LYSMD2: variants seen among roughly 807,000 people sequenced by gnomAD.
LYSMD2 encodes LysM domain containing 2.
In LYSMD2, 6 loss-of-function variants were observed where a neutral mutation model predicts 17.7. The observed-to-expected ratio is 0.34, with a 90% confidence interval of 0.19 to 0.67. LYSMD2 has a LOEUF of 0.67. Among genes scored for constraint, LYSMD2 ranks in the 30% least tolerant of loss-of-function variants. The pLI is 0.69. For missense variants in LYSMD2, 237 were observed against 286.7 expected (o/e 0.83, Z 1.25); for synonymous variants, 102 against 129.8 (o/e 0.79, Z 1.45).
chr15:51,726,329 G>T lies in LYSMD2; in HGVS notation c.274-1208C>A, dbSNP rs540550344. Reference sequence around the variant, plus strand: ...GGTTAATAACTTGGACACTTTGCCCGTAGCAGGTTCAGGTATACCTATTGC... The same window carrying T: ...GGTTAATAACTTGGACACTTTGCCCTTAGCAGGTTCAGGTATACCTATTGC... On this transcript the variant is annotated intron_variant, in intron 1 of 2. Transcript: ENST00000267838. 7.2e-5 allele frequency among the ~76,000 whole-genome samples: 11 copies of T among 152,328 alleles called. No individual in the cohort carries two copies. In the East Asian group the frequency reaches 2.1e-3, roughly 29 times the overall value.
intron 1 of LYSMD2, among the ~76,000 whole-genome samples, chr15:51,749,604 C>T (rs2141605685): frequency 6.6e-6 from 1 of 152,332 alleles, no homozygotes; most frequent in East Asian, 1.9e-4. Context: ...AAATACTGTA[C>T]ACTACTGAGC....
Position 51,725,502 on chromosome 15 carries a change from T to C in LYSMD2, c.274-381A>G, listed in dbSNP as rs78180448. ...TTTTTTAAACTTACCATTGCTGCTG[T>C]TTTACTTATGAAGTGCTTCCCATGT... On this transcript the variant is annotated intron_variant, in intron 1 of 2. Coordinates refer to ENST00000267838, the MANE Select transcript of LYSMD2 (RefSeq NM_153374.3). 4.9e-3 allele frequency among the ~76,000 whole-genome samples: 751 copies of C among 152,262 alleles called. 26 individuals are homozygous for C. The East Asian group carries it at 0.081, about 16-fold the overall frequency.
chr15:51,732,205 C>G (rs1194924170), intron 1 of LYSMD2, among the ~76,000 whole-genome samples: 1 of 152,170 alleles, frequency 6.6e-6, no homozygotes, highest in East Asian at 1.9e-4. Flanking sequence ...CACACCTCTT[C>G]ACTCAGCCCC....
At chr15:51,727,360 C>T (rs1459457397) in intron 1 of LYSMD2, among the ~76,000 whole-genome samples, 2 of 152,156 alleles carry the variant, frequency 1.3e-5, no homozygotes, top group East Asian at 3.9e-4. Context: ...GTGAGAGTTC[C>T]TATCAGGAGT....
In LYSMD2 at chr15:51,737,240, T is replaced by TA; in HGVS notation, c.273+109_273+110insT. 5.7e-4 allele frequency: 123 copies of TA among 215,376 alleles called. No homozygotes were observed. Among genetic ancestry groups the TA allele is most frequent in the East Asian group, 1.0e-3 (10 of 9,776 alleles). 13.3% of individuals were successfully genotyped at this position (215,376 alleles called of 1,614,324 possible). On this transcript the variant is annotated intron_variant, in intron 1 of 2. Coordinates refer to ENST00000267838, the MANE Select transcript of LYSMD2 (RefSeq NM_153374.3). This position sits in a 1 kb window ranked among gnomAD's most constrained non-coding sequence, Gnocchi z 4.2. ...GCACGGCCGTCCCTGCGACTCCCCA[T>TA]CCCCCAAACCCCCACCCGCAGTCCC... is the stretch of plus-strand genomic sequence containing the variant.
chr15:51,728,356 T>C lies in LYSMD2; in HGVS notation c.274-3235A>G, dbSNP rs549823561. ...ATCACTTGAAGGTGGGAGGCAGAGG[T>C]TGCACTGAGCCGAGATCACAACATT... On this transcript the variant is annotated intron_variant, in intron 1 of 2. Transcript: ENST00000267838. Among the ~76,000 whole-genome samples, 6 of 149,512 alleles carry C rather than the reference T, an allele frequency of 4.0e-5. No homozygotes were observed. In the East Asian group the frequency reaches 1.2e-3, roughly 30 times the overall value.
intron 1 of LYSMD2, among the ~76,000 whole-genome samples, chr15:51,745,936 T>C (rs1595855414): frequency 6.6e-6 from 1 of 152,154 alleles, no homozygotes; most frequent in Non-Finnish European, 1.5e-5. Flanking sequence ...TGGCTATAAT[T>C]TTAAAAAGAC....
intron 1 of LYSMD2, among the ~76,000 whole-genome samples, chr15:51,727,218 C>T (rs2055545828): frequency 6.6e-6 from 1 of 152,186 alleles, no homozygotes; most frequent in African/African-American, 2.4e-5. Context: ...TCTTCTTGGG[C>T]TTATTCTAAA....
intron 1 of LYSMD2, among the ~76,000 whole-genome samples, chr15:51,744,988 T>C (rs1035153985): frequency 1.3e-5 from 2 of 152,114 alleles, no homozygotes; most frequent in African/African-American, 4.8e-5. Flanking sequence ...TATGAACAAC[T>C]GTGTGACAAC....
chr15:51,723,766 T>G, intron 2 of LYSMD2, 117 bp from the exon 3 acceptor site: 3 of 698,542 alleles, frequency 4.3e-6, no homozygotes, highest in Non-Finnish European at 7.0e-6. Context: ...ACTTAGAATA[T>G]TGTGCATGCC....
intron 1 of LYSMD2, among the ~76,000 whole-genome samples, chr15:51,727,612 T>C (rs2055548474): frequency 6.6e-6 from 1 of 152,214 alleles, no homozygotes; most frequent in Admixed American, 6.5e-5. Flanking sequence ...CAATGGGCCA[T>C]CAAGGCCAGG....
chr15:51,746,304 T>G (rs966572997), intron 1 of LYSMD2, among the ~76,000 whole-genome samples: 1 of 152,218 alleles, frequency 6.6e-6, no homozygotes, highest in African/African-American at 2.4e-5. Flanking sequence ...TATTACAACA[T>G]GGATGAACCC....
At chr15:51,739,453 G>A (rs2055632530), upstream of LYSMD2, among the ~76,000 whole-genome samples, 1 of 152,164 alleles carries the variant, frequency 6.6e-6, no homozygotes, top group Non-Finnish European at 1.5e-5. Flanking sequence ...ACTTTTGGGT[G>A]GTATCCAGTG....
intron 1 of LYSMD2, among the ~76,000 whole-genome samples, chr15:51,750,721 C>T (rs1021066541): frequency 2.6e-5 from 4 of 152,182 alleles, no homozygotes; most frequent in Non-Finnish European, 5.9e-5. Context: ...TATGTCACCC[C>T]ACTCTGCTGT....
At chr15:51,727,578 C>G (rs2055548211) in intron 1 of LYSMD2, among the ~76,000 whole-genome samples, 1 of 152,224 alleles carries the variant, frequency 6.6e-6, no homozygotes, top group South Asian at 2.1e-4. Flanking sequence ...GCAATGCTGA[C>G]AGATACATCT....
upstream of LYSMD2, among the ~76,000 whole-genome samples, chr15:51,739,485 G>A (rs551676912): frequency 2.4e-4 from 37 of 152,326 alleles, no homozygotes; most frequent in African/African-American, 8.9e-4. Flanking sequence ...GGACCCAAGA[G>A]AGAGGCAGAA....
At chr15:51,735,192 A>T (rs1479387684) in intron 1 of LYSMD2, among the ~76,000 whole-genome samples, 4 of 152,062 alleles carry the variant, frequency 2.6e-5, no homozygotes, top group Admixed American at 2.6e-4. Flanking sequence ...AAAAAATCTG[A>T]AGATATTAAA....
chr15:51,730,325 T>C (rs2055568773), intron 1 of LYSMD2, among the ~76,000 whole-genome samples: 1 of 152,160 alleles, frequency 6.6e-6, no homozygotes, highest in Non-Finnish European at 1.5e-5. Context: ...CTAGGTAACA[T>C]GATGAAACTC....
At chr15:51,733,835 G>A (rs79543236) in intron 1 of LYSMD2, among the ~76,000 whole-genome samples, 4,690 of 152,184 alleles carry the variant, frequency 0.031, 117 homozygotes, top group Non-Finnish European at 0.05. Context: ...GCAAGTGCAA[G>A]AACCCCAAGG....
Sources: allele counts gnomAD v4.1 joint callset (sites outside exome capture counted in the v4.1 genomes callset), GRCh38; gene constraint gnomAD v4.1.1; non-coding constraint Gnocchi (gnomAD v3.1); transcripts MANE v1.5; gene names NCBI Gene and HGNC (gene_info 2026-07-23, HGNC 2026-07-21).